Variants in MEI4 observed in about 807,000 individuals in gnomAD.
The protein encoded by MEI4 is meiosis-specific protein MEI4.
MEI4 carries 27 observed loss-of-function variants against 31.4 expected under a neutral mutation model. The observed-to-expected ratio is 0.86, with a 90% confidence interval of 0.63 to 1.19. MEI4 has a LOEUF of 1.19. MEI4 is among the 50% of genes most tolerant of loss of function. The pLI is 0.00. For synonymous variants in MEI4, 122 were observed against 145.4 expected, an observed-to-expected ratio of 0.84 and a Z score of 1.16; for missense variants, 329 against 398.9, an observed-to-expected ratio of 0.82 and a Z score of 1.49.
chr6:77,888,905 G>A (rs564723843), intron 4 of MEI4, among the ~76,000 whole-genome samples: 7 of 152,066 alleles, frequency 4.6e-5, no homozygotes, highest in East Asian at 1.9e-4. Flanking sequence ...ATCTGATGGC[G>A]TTATAAGGGG....
chr6:77,664,684 G>T lies in MEI4; in HGVS notation c.-15+11592G>T, dbSNP rs930419966. Among the ~76,000 whole-genome samples the T allele has an allele frequency of 5.9e-5, 9 of 152,210 alleles. No homozygotes were observed. The South Asian group carries it at 1.9e-3, about 32-fold the overall frequency. ...CTTGGGGTTGGGACTGAGGGGACAG[G>T]CAGGAGGGAAAGAAGGAAGATTTGG... On this transcript the variant is annotated intron_variant, in intron 1 of 4. Transcript: ENST00000684080.
chr6:77,803,224 A>G (rs1233326200), intron 3 of MEI4, among the ~76,000 whole-genome samples: 17 of 152,138 alleles, frequency 1.1e-4, no homozygotes, highest in African/African-American at 2.4e-5. Context: ...CATTCATTTC[A>G]TCTTCCATCA....
chr6:77,793,841 TAAATC>T (rs144913013), intron 3 of MEI4, among the ~76,000 whole-genome samples: 2,877 of 151,550 alleles, frequency 0.019, 65 homozygotes, highest in East Asian at 0.089. Context: ...AAGAGATAAA[TAAATC>T]AAAAAGGAAC....
chr6:77,675,249 T>C (rs1424532049), intron 1 of MEI4, among the ~76,000 whole-genome samples: 3 of 152,170 alleles, frequency 2.0e-5, no homozygotes, highest in African/African-American at 7.2e-5. Context: ...AATTTATAGG[T>C]ACTCTTTAGA....
intron 4 of MEI4, among the ~76,000 whole-genome samples, chr6:77,871,940 A>G (rs1771204646): frequency 6.6e-6 from 1 of 152,148 alleles, no homozygotes; most frequent in African/African-American, 2.4e-5. Flanking sequence ...TATTGGCTTA[A>G]TTAAAATTGT....
chr6:77,734,348 T>A (rs1056414737), intron 2 of MEI4, among the ~76,000 whole-genome samples: 1 of 152,108 alleles, frequency 6.6e-6, no homozygotes, highest in African/African-American at 2.4e-5. Context: ...ATATTTAGGA[T>A]AGTTAGCTCT....
intron 3 of MEI4, among the ~76,000 whole-genome samples, chr6:77,808,370 C>A (rs1333346957): frequency 1.3e-5 from 2 of 152,056 alleles, no homozygotes; most frequent in Non-Finnish European, 2.9e-5. Context: ...CAGATGATGG[C>A]ACTAAAAAGA....
chr6:77,853,259 A>G (rs1272203244), intron 4 of MEI4, among the ~76,000 whole-genome samples: 1 of 152,210 alleles, frequency 6.6e-6, no homozygotes, highest in African/African-American at 2.4e-5. Context: ...TCTAATACCT[A>G]GAGCATTGTG....
intron 4 of MEI4, among the ~76,000 whole-genome samples, chr6:77,831,908 G>T (rs1770092745): frequency 6.6e-6 from 1 of 151,998 alleles, no homozygotes; most frequent in Admixed American, 6.6e-5. Flanking sequence ...AAAATAGCTA[G>T]AAGTGAAGAA....
intron 2 of MEI4, among the ~76,000 whole-genome samples, chr6:77,698,932 CAT>C (rs1197052073): frequency 6.6e-6 from 1 of 152,166 alleles, no homozygotes; most frequent in Non-Finnish European, 1.5e-5. Flanking sequence ...GGTCTTTTCA[CAT>C]AGTCCCATAT....
intron 3 of MEI4, among the ~76,000 whole-genome samples, chr6:77,811,882 A>G (rs1047687796): frequency 6.6e-6 from 1 of 152,182 alleles, no homozygotes; most frequent in African/African-American, 2.4e-5. Flanking sequence ...TAAAGATGCT[A>G]TACTTAGCTG....
chr6:77,746,571 C>G (rs1293659072), intron 2 of MEI4, among the ~76,000 whole-genome samples: 3 of 151,892 alleles, frequency 2.0e-5, no homozygotes, highest in African/African-American at 7.3e-5. Flanking sequence ...GACTGCAGAT[C>G]TTGGTACTTC....
At chr6:77,919,871 C>G (rs1298740706) in intron 4 of MEI4, among the ~76,000 whole-genome samples, 1 of 150,180 alleles carries the variant, frequency 6.7e-6, no homozygotes, top group African/African-American at 2.4e-5. Flanking sequence ...CTACAAACAC[C>G]TCTACGCAAA....
rs770525172 is a variant in MEI4 at position 77,924,024 on chromosome 6, ATAG to A, written c.*680_*682del. 4 of 151,748 alleles carry A rather than the reference ATAG, an allele frequency of 2.6e-5. No individual in the cohort carries two copies. 9.4% of individuals were successfully genotyped at this position (151,748 alleles called of 1,614,324 possible). A position where few individuals can be genotyped will look rare whatever the true frequency, so the allele number is the denominator to read the frequency against. ...AATTCTGTTAATTAAATATGTTATA[ATAG>A]TCTTGTAATTGTTAAATAGTATACA... On this transcript the variant is annotated 3_prime_UTR_variant, in exon 5 of 5. Transcript: ENST00000684080.
At chr6:77,720,543 C>T (rs1200464257) in intron 2 of MEI4, among the ~76,000 whole-genome samples, 2 of 140,486 alleles carry the variant, frequency 1.4e-5, no homozygotes, top group Admixed American at 1.4e-4. Flanking sequence ...ATATGATAAT[C>T]TTCCAAATGA....
Position 77,863,513 on chromosome 6 carries a change from C to A in MEI4, c.900+34451C>A, listed in dbSNP as rs574845501. On this transcript the variant is annotated intron_variant, in intron 4 of 4. Transcript: ENST00000684080. ...GGAAGATCAAATGAATGAAATGAAG[C>A]GAGAAGAAAAGTTTAGAGAAAAAAG... Among the ~76,000 whole-genome samples the A allele has an allele frequency of 4.6e-4, 70 of 151,592 alleles. No homozygotes were observed. In the South Asian group the frequency reaches 5.7e-3, roughly 12 times the overall value.
chr6:77,817,592 CTAT>C (rs562391853), intron 3 of MEI4, among the ~76,000 whole-genome samples: 8 of 151,882 alleles, frequency 5.3e-5, no homozygotes, highest in African/African-American at 1.7e-4. Context: ...ACTTTAAAAC[CTAT>C]TATTATTTCT....
At chr6:77,882,185 G>A (rs1322837860) in intron 4 of MEI4, among the ~76,000 whole-genome samples, 3 of 152,162 alleles carry the variant, frequency 2.0e-5, no homozygotes, top group African/African-American at 7.2e-5. Flanking sequence ...ATAAAGTGAG[G>A]TCTGGAAGAG....
chr6:77,768,809 C>T (rs1323022060), intron 3 of MEI4, among the ~76,000 whole-genome samples: 1 of 151,874 alleles, frequency 6.6e-6, no homozygotes, highest in Non-Finnish European at 1.5e-5. Flanking sequence ...TGGCTATAAA[C>T]AACAGTCTTT....
Sources: allele counts gnomAD v4.1 joint callset (sites outside exome capture counted in the v4.1 genomes callset), GRCh38; gene constraint gnomAD v4.1.1; transcripts MANE v1.5; gene names NCBI Gene and HGNC (gene_info 2026-07-23, HGNC 2026-07-21).